The following EAPP variants were observed in gnomAD, a reference collection of about 807,000 sequenced individuals.
The protein encoded by EAPP is E2F associated phosphoprotein.
EAPP carries 38 observed loss-of-function variants against 34.3 expected under a neutral mutation model. The ratio of observed to expected loss-of-function variants is 1.11; its 90% confidence interval spans 0.85 to 1.45. The LOEUF (loss-of-function observed/expected upper bound fraction) is 1.45, where lower values mean the gene tolerates loss of function less well. Among genes scored for constraint, EAPP ranks in the 40% most tolerant of loss-of-function variants. The pLI, the probability that EAPP is intolerant of heterozygous loss-of-function variation, is 0.00. For synonymous variants in EAPP, 113 were observed against 117.6 expected, an observed-to-expected ratio of 0.96 and a Z score of 0.25; for missense variants, 338 against 343.7, an observed-to-expected ratio of 0.98 and a Z score of 0.13.
At chr14:34,539,496 G>T in intron 1 of EAPP, 59 bp downstream of exon 1, 1 of 1,558,940 alleles carries the variant, frequency 6.4e-7, no homozygotes, top group Non-Finnish European at 8.7e-7. Flanking sequence ...ACGAATGGAG[G>T]CGACCAAAGC....
chr14:34,534,555 T>C (rs1306595496), intron 2 of EAPP, among the ~76,000 whole-genome samples: 1 of 152,218 alleles, frequency 6.6e-6, no homozygotes, highest in Non-Finnish European at 1.5e-5. Context: ...TGATACATAA[T>C]TAAATCTGCC....
intron 5 of EAPP, among the ~76,000 whole-genome samples, chr14:34,518,684 G>T (rs905245304): frequency 6.6e-5 from 10 of 152,200 alleles, no homozygotes; most frequent in South Asian, 4.1e-4. Context: ...TGGCTGCATA[G>T]ATATTTATAC....
chr14:34,533,846 A>G (rs1880376498), intron 2 of EAPP, among the ~76,000 whole-genome samples: 1 of 152,144 alleles, frequency 6.6e-6, no homozygotes, highest in Admixed American at 6.6e-5. Flanking sequence ...TCAGTCATAC[A>G]GTATACCATG....
At chr14:34,528,732 C>T (rs1880177135) in intron 4 of EAPP, among the ~76,000 whole-genome samples, 1 of 151,138 alleles carries the variant, frequency 6.6e-6, no homozygotes, top group Admixed American at 6.6e-5. Flanking sequence ...TCCACATAAA[C>T]TCTTAATCTC....
chr14:34,516,507 T>C lies in EAPP; in HGVS notation c.661A>G (p.Lys221Glu), dbSNP rs368875293. The C allele has an allele frequency of 7.2e-5, 117 of 1,614,102 alleles. No homozygotes were observed. The highest frequency in any genetic ancestry group is 9.6e-5 in the Non-Finnish European group (113 of 1,180,038). The stretch of plus-strand genomic sequence containing the variant: ...CTTTTCTTCCTGTTCTCTGAGGCTT[T>C]ATATCTTAGAACCTCCTCTTTGTTA... ...SINKEEVLRYKASENRKKRRV... is the reference protein window; with the variant it reads ...SINKEEVLRYEASENRKKRRV... The change falls in exon 6 of 6, where the codon AAA (lysine) becomes GAA (glutamate). Residue 221 changes from lysine (K) to glutamate (E), a missense_variant. Transcript: ENST00000250454.
At position 34,538,105 on chromosome 14, in the gene EAPP, C is replaced by G. The variant is rs551086941; in HGVS notation, c.74+1450G>C. The stretch of plus-strand genomic sequence containing the variant: ...AAAAAATGATACAACAGTCCTGGCT[C>G]CGTGGCTCAGGCCTGTAATCCTAGC... On this transcript the variant is annotated intron_variant, in intron 1 of 5. Transcript: ENST00000250454. 3.3e-5 allele frequency among the ~76,000 whole-genome samples: 5 copies of G among 152,282 alleles called. No homozygotes were observed. The East Asian group carries it at 9.6e-4, about 29-fold the overall frequency.
rs1373295284 is a variant in EAPP at position 34,532,698 on chromosome 14, G to A, written c.352+746C>T. Among the ~76,000 whole-genome samples, 12 of 144,458 alleles carry A rather than the reference G, an allele frequency of 8.3e-5. 1 individual carries two copies. The highest frequency in any genetic ancestry group is 1.4e-4 in the Admixed American group (2 of 14,248). 94.8% of individuals were successfully genotyped at this position (144,458 alleles called of 152,430 possible). A position where few individuals can be genotyped will look rare whatever the true frequency, so the allele number is the denominator to read the frequency against. On this transcript the variant is annotated intron_variant, in intron 3 of 5. Coordinates refer to ENST00000250454, the MANE Select transcript of EAPP (RefSeq NM_018453.4). ...GCTTTTTTTTTTTTTTTTTTGAGAC[G>A]GAGTCTCACTCTGTTGCCCAGGCTG...
Position 34,516,280 on chromosome 14 carries a change from T to C in EAPP, c.*30A>G. 1 of 1,586,566 alleles carries C rather than the reference T, an allele frequency of 6.3e-7. No individual in the cohort carries two copies. The highest frequency in any genetic ancestry group is 8.6e-7 in the Non-Finnish European group (1 of 1,166,262). ...CTGTCCATATTTGCCTTATATACAG[T>C]ATTGGGTAATTAAATGCCAGTTGGG... On this transcript the variant is annotated 3_prime_UTR_variant, in exon 6 of 6. Transcript: ENST00000250454.
At chr14:34,517,061 C>T (rs1879758619) in intron 5 of EAPP, among the ~76,000 whole-genome samples, 1 of 151,726 alleles carries the variant, frequency 6.6e-6, no homozygotes, top group Non-Finnish European at 1.5e-5. Context: ...CCTCAGCCTC[C>T]CGAGTAGCTG....
chr14:34,538,162 A>G (rs1880536797), intron 1 of EAPP, among the ~76,000 whole-genome samples: 1 of 152,122 alleles, frequency 6.6e-6, no homozygotes, highest in Non-Finnish European at 1.5e-5. Context: ...CAGATTGCCT[A>G]AGGTCAGGAG....
At chr14:34,525,248 A>G (rs1180748096) in intron 4 of EAPP, among the ~76,000 whole-genome samples, 1 of 152,216 alleles carries the variant, frequency 6.6e-6, no homozygotes, top group Non-Finnish European at 1.5e-5. Flanking sequence ...ATAACTCCCT[A>G]GTCCTTAAGT....
intron 1 of EAPP, among the ~76,000 whole-genome samples, chr14:34,537,774 A>G (rs979676537): frequency 2.0e-5 from 3 of 152,242 alleles, no homozygotes; most frequent in Non-Finnish European, 2.9e-5. Flanking sequence ...AGCAAGCCAC[A>G]CAAACATGAT....
chr14:34,525,572 C>G (rs1049912247), intron 4 of EAPP, among the ~76,000 whole-genome samples: 2 of 152,024 alleles, frequency 1.3e-5, no homozygotes, highest in Non-Finnish European at 2.9e-5. Flanking sequence ...GCACTGAAAA[C>G]AAGGAAAGTC....
intron 4 of EAPP, among the ~76,000 whole-genome samples, chr14:34,527,729 T>C (rs1296328578): frequency 6.6e-6 from 1 of 152,036 alleles, no homozygotes; most frequent in Non-Finnish European, 1.5e-5. Context: ...CTGTATAATA[T>C]CCCATTCATA....
chr14:34,519,467 G>A (rs575230040), intron 5 of EAPP, among the ~76,000 whole-genome samples: 120 of 152,002 alleles, frequency 7.9e-4, no homozygotes, highest in Admixed American at 1.2e-3. Context: ...CCTGGGTGGT[G>A]GAGGTTGCAG....
At chr14:34,523,075 GT>G (rs1296332376) in intron 5 of EAPP, among the ~76,000 whole-genome samples, 2 of 151,736 alleles carry the variant, frequency 1.3e-5, no homozygotes, top group Non-Finnish European at 1.5e-5. Context: ...TCTGCTTTAA[GT>G]TTTTTTTACT....
intron 5 of EAPP, among the ~76,000 whole-genome samples, chr14:34,523,239 CTTTT>C (rs71453625): frequency 7.3e-6 from 1 of 137,372 alleles, no homozygotes; most frequent in Non-Finnish European, 1.6e-5. Flanking sequence ...GAAAAGATAC[CTTTT>C]TTTTTTTTTT....
intron 5 of EAPP, among the ~76,000 whole-genome samples, chr14:34,524,408 A>ATATCTATC (rs549662648): frequency 5.9e-5 from 9 of 151,826 alleles, no homozygotes; most frequent in African/African-American, 2.2e-4. Flanking sequence ...AAACAAAACT[A>ATATCTATC]TATCTATCTA....
At chr14:34,534,840 A>ATTT (rs373663033) in intron 2 of EAPP, among the ~76,000 whole-genome samples, 1 of 140,998 alleles carries the variant, frequency 7.1e-6, no homozygotes, top group Non-Finnish European at 1.6e-5. Context: ...GTCTCCACAA[A>ATTT]TTTTTTTTTT....
Sources: gnomAD v4.1 joint callset for allele counts (sites outside exome capture counted in the v4.1 genomes callset) on GRCh38, gnomAD v4.1.1 for gene constraint, MANE v1.5 for transcripts, NCBI Gene and HGNC (gene_info 2026-07-23, HGNC 2026-07-21) for gene names.